PNPLA8: variants seen among roughly 807,000 people sequenced by gnomAD.
PNPLA8 encodes calcium-independent phospholipase A2-gamma.
A neutral mutation model predicts 76.9 loss-of-function variants in PNPLA8; 39 were observed. The observed-to-expected ratio is 0.51, with a 90% confidence interval of 0.39 to 0.66. The LOEUF (loss-of-function observed/expected upper bound fraction) is 0.66. Ranked by LOEUF, PNPLA8 falls within the 30% of genes least tolerant of loss-of-function variation. The pLI is 0.00. For synonymous variants in PNPLA8, 301 were observed against 307.9 expected, an observed-to-expected ratio of 0.98 and a Z score of 0.24; for missense variants, 887 against 918.0, an observed-to-expected ratio of 0.97 and a Z score of 0.44.
At chr7:108,526,378 C>G (rs138685541), upstream of PNPLA8, 2,946 of 154,216 alleles carry the variant, frequency 0.019, 37 homozygotes, top group Middle Eastern at 0.03. Context: ...GTGCGTGATG[C>G]GCGAGGCGTG....
intron 4 of PNPLA8, chr7:108,510,836 G>A: frequency 6.3e-7 from 1 of 1,599,414 alleles, no homozygotes; most frequent in South Asian, 1.1e-5. Context: ...ACGCTTCAAA[G>A]AGGCAAATAA....
At chr7:108,510,275 G>C in intron 4 of PNPLA8, 1 of 1,582,060 alleles carries the variant, frequency 6.3e-7, no homozygotes, top group Non-Finnish European at 8.6e-7. Flanking sequence ...TGCTGTGCCA[G>C]AAACCCTTAA....
Position 108,471,774 on chromosome 7 carries a change from C to T in PNPLA8, c.*627G>A, listed in dbSNP as rs1355323164. 1 of 152,116 alleles carries T rather than the reference C, an allele frequency of 6.6e-6. No homozygotes were observed. The highest frequency in any genetic ancestry group is 1.9e-4 in the East Asian group (1 of 5,196). 9.4% of individuals were successfully genotyped at this position (152,116 alleles called of 1,614,324 possible). A position where few individuals can be genotyped will look rare whatever the true frequency, so the allele number is the denominator to read the frequency against. On this transcript the variant is annotated 3_prime_UTR_variant, in exon 11 of 11. Transcript: ENST00000257694. The stretch of plus-strand genomic sequence containing the variant: ...AATTTCAGGGGTAAAAAGTGGTTGA[C>T]TGGAACTTCACCTTTTTTAACCAAA...
intron 10 of PNPLA8, among the ~76,000 whole-genome samples, chr7:108,477,069 C>G (rs1860052168): frequency 6.6e-6 from 1 of 152,168 alleles, no homozygotes; most frequent in Non-Finnish European, 1.5e-5. Flanking sequence ...AGCATGGTAA[C>G]TATAGTTAAT....
intron 4 of PNPLA8, among the ~76,000 whole-genome samples, chr7:108,509,042 T>C (rs1210971157): frequency 8.5e-6 from 1 of 117,246 alleles, no homozygotes; most frequent in African/African-American, 3.6e-5. Flanking sequence ...GGATTAAAGA[T>C]TTAAACGTTA....
At chr7:108,516,559 A>T (rs1199768300) in intron 2 of PNPLA8, among the ~76,000 whole-genome samples, 1 of 152,254 alleles carries the variant, frequency 6.6e-6, no homozygotes, top group Non-Finnish European at 1.5e-5. Flanking sequence ...AGACAATATC[A>T]AATGCACAAT....
chr7:108,481,718 TATG>T (rs1235507615), intron 9 of PNPLA8, among the ~76,000 whole-genome samples: 1 of 152,232 alleles, frequency 6.6e-6, no homozygotes, highest in Non-Finnish European at 1.5e-5. Flanking sequence ...AAATTTCATG[TATG>T]ATGATTTCAG....
rs1452520888 is a variant in PNPLA8 at position 108,515,155 on chromosome 7, T to G, written c.337A>C (p.Lys113Gln). The change falls in exon 3 of 11, where the codon AAG (lysine) becomes CAG (glutamine). Residue 113 changes from lysine to glutamine, a missense_variant. Physicochemically the swap from Lys to Gln is moderately conservative, Grantham distance 53. Coordinates refer to ENST00000257694, the MANE Select transcript of PNPLA8 (RefSeq NM_001256007.3). ...TCATTTTGATTGCCAAAAACAGCCT[T>G]TGAAACAGAGTTCAAAGTACTTTTA... ...RIKSTLNSVS[K>Q]AVFGNQNEMI... 1.2e-6 allele frequency: 2 copies of G among 1,607,662 alleles called. No homozygotes were observed. Among genetic ancestry groups the G allele is most frequent in the African/African-American group, 2.7e-5 (2 of 74,630 alleles).
rs116111517 is a variant in PNPLA8 at position 108,503,967 on chromosome 7, G to A, written c.1207-1325C>T. 1.7e-3 allele frequency among the ~76,000 whole-genome samples: 261 copies of A among 152,288 alleles called. 2 individuals are homozygous for A. Among genetic ancestry groups the A allele is most frequent in the African/African-American group, 5.8e-3 (241 of 41,564 alleles). ...AGGTGTGGAAGGCAAAAGGTAAGCC[G>A]AAGACCTCTGAAAATCAGAGTGGAA... On this transcript the variant is annotated intron_variant, in intron 4 of 10. Transcript: ENST00000257694.
Position 108,514,557 on chromosome 7 carries a change from T to G in PNPLA8, c.935A>C (p.Lys312Thr), listed in dbSNP as rs745312087. The part of the protein sequence containing the change: ...VGGYIGGLVP[K>T]LKYDSKSQSE... ...CTGACTCTTTGAATCATACTTTAAT[T>G]TGGGGACAAGTCCACCAATATAACC... Residue 312 changes from lysine (K) to threonine (T), a missense_variant, in exon 3 of 11, where the codon AAA becomes ACA. Physicochemically the swap from Lys to Thr is moderately conservative, Grantham distance 78. Coordinates refer to ENST00000257694, the MANE Select transcript of PNPLA8 (RefSeq NM_001256007.3). 1.9e-6 allele frequency: 3 copies of G among 1,614,068 alleles called. No homozygotes were observed. The highest frequency in any genetic ancestry group is 2.2e-5 in the South Asian group (2 of 91,084).
chr7:108,480,146 C>T (rs1464201845), intron 9 of PNPLA8, among the ~76,000 whole-genome samples: 3 of 152,070 alleles, frequency 2.0e-5, no homozygotes, highest in Non-Finnish European at 4.4e-5. Context: ...GCAGGAGAAT[C>T]GCTTGAGTCC....
chr7:108,487,767 G>A lies in PNPLA8; in HGVS notation c.1870C>T (p.Leu624Phe), dbSNP rs764173193. The A allele has an allele frequency of 5.0e-6, 8 of 1,594,440 alleles. No homozygotes were observed. Among genetic ancestry groups the A allele is most frequent in the Non-Finnish European group, 6.0e-6 (7 of 1,170,520 alleles). Reference sequence around the variant, plus strand: ...CATACAAGTCAACTTACTTGATGAAGATCATTTCCCAATGCATATTCTGCA... The same window carrying A: ...CATACAAGTCAACTTACTTGATGAAAATCATTTCCCAATGCATATTCTGCA... ...YFAEYALGND[L>F]HQDGGLLLNN... The change falls in exon 9 of 11, where the codon CTT becomes TTT. Residue 624 changes from leucine to phenylalanine, a missense_variant. Leu to Phe is a conservative substitution (Grantham distance 22, BLOSUM62 0). Transcript: ENST00000257694.
intron 4 of PNPLA8, among the ~76,000 whole-genome samples, chr7:108,512,930 C>T (rs1863044936): frequency 6.6e-6 from 1 of 152,018 alleles, no homozygotes; most frequent in Non-Finnish European, 1.5e-5. Flanking sequence ...CTCAGAAATC[C>T]ATCAGTAGTA....
At chr7:108,478,231 A>G (rs1207768069) in intron 10 of PNPLA8, among the ~76,000 whole-genome samples, 1 of 152,182 alleles carries the variant, frequency 6.6e-6, no homozygotes, top group Non-Finnish European at 1.5e-5. Context: ...CTGGGGAAAT[A>G]GCCTTATAGA....
chr7:108,521,491 TA>T lies in PNPLA8; in HGVS notation c.-100del. On this transcript the variant is annotated 5_prime_UTR_variant, in exon 2 of 11. An upstream open reading frame in the 5' UTR gains an earlier in-frame stop. Transcript: ENST00000257694. ...ATCCACTTACTTATTAAACTTCAGG[TA>T]ATCATGTAGACCTTGGAGGAGAAGA... 1 of 818,980 alleles carries T rather than the reference TA, an allele frequency of 1.2e-6. No individual in the cohort carries two copies. The highest frequency in any genetic ancestry group is 1.5e-6 in the Non-Finnish European group (1 of 677,834). 50.7% of individuals were successfully genotyped at this position (818,980 alleles called of 1,614,324 possible).
At chr7:108,526,789 G>T (rs1159666242), upstream of PNPLA8, among the ~76,000 whole-genome samples, 2 of 152,176 alleles carry the variant, frequency 1.3e-5, no homozygotes, top group Admixed American at 1.3e-4. Flanking sequence ...CATTTCATAC[G>T]TACCACAGGG....
chr7:108,507,055 C>T (rs537831524), intron 4 of PNPLA8, among the ~76,000 whole-genome samples: 1 of 152,032 alleles, frequency 6.6e-6, no homozygotes, highest in East Asian at 1.9e-4. Flanking sequence ...GAAACAGGCT[C>T]GGTGAGGCTG....
At chr7:108,480,997 C>T (rs1453954328) in intron 9 of PNPLA8, among the ~76,000 whole-genome samples, 4 of 152,132 alleles carry the variant, frequency 2.6e-5, no homozygotes, top group African/African-American at 9.7e-5. Context: ...TTTAAACTGC[C>T]TTCTCTTTCT....
Position 108,472,602 on chromosome 7 carries a change from G to A in PNPLA8, c.2148C>T (p.Asn716=). 4 of 1,612,248 alleles carry A rather than the reference G, an allele frequency of 2.5e-6. No individual in the cohort carries two copies. Among genetic ancestry groups the A allele is most frequent in the Non-Finnish European group, 3.4e-6 (4 of 1,179,198 alleles). Residue 716 remains asparagine, a synonymous_variant, in exon 11 of 11, where the codon AAC becomes AAT. Coordinates refer to ENST00000257694, the MANE Select transcript of PNPLA8 (RefSeq NM_001256007.3). ...CATTTCGACTTTCATCTAGAGGTAT[G>A]TTTTCACACATTACAGGATTGAATC... ...YFRFNPVMCE[N]IPLDESRNEK...
Sources: gnomAD v4.1 joint callset for allele counts (sites outside exome capture counted in the v4.1 genomes callset) on GRCh38, gnomAD v4.1.1 for gene constraint, MANE v1.5 for transcripts, NCBI Gene and HGNC (gene_info 2026-07-23, HGNC 2026-07-21) for gene names.